THSD7A: variants seen among roughly 807,000 people sequenced by gnomAD.
The protein encoded by THSD7A is thrombospondin type-1 domain-containing protein 7A.
Under a neutral mutation model 231.3 loss-of-function variants are expected in THSD7A, and 96 were observed. The ratio of observed to expected loss-of-function variants is 0.41; its 90% CI spans 0.35 to 0.49. The LOEUF (loss-of-function observed/expected upper bound fraction) is 0.49. Ranked by LOEUF, THSD7A falls within the 20% of genes least tolerant of loss-of-function variation. THSD7A has a pLI of 0.05. For missense variants in THSD7A, 2,290 were observed against 2,070.2 expected, an observed-to-expected ratio of 1.11 and a Z score of -2.06; for synonymous variants, 940 against 743.3, an observed-to-expected ratio of 1.26 and a Z score of -4.30.
At chr7:11,779,881 G>C (rs573901812) in intron 1 of THSD7A, among the ~76,000 whole-genome samples, 2 of 152,284 alleles carry the variant, frequency 1.3e-5, no homozygotes, top group East Asian at 3.9e-4. Context: ...ATTTCATCAA[G>C]TCTATCAGAA....
At chr7:11,517,036 T>A (rs1045277095) in intron 6 of THSD7A, among the ~76,000 whole-genome samples, 1 of 151,836 alleles carries the variant, frequency 6.6e-6, no homozygotes, top group East Asian at 1.9e-4. Flanking sequence ...CATTCATAGG[T>A]CCAATTGTTT....
rs909167119 is a variant in THSD7A, at chr7:11,375,371, T to C, written c.*423A>G. 1.9e-5 allele frequency: 3 copies of C among 156,198 alleles called. No homozygotes were observed. The highest frequency in any genetic ancestry group is 7.2e-5 in the African/African-American group (3 of 41,550). 9.7% of individuals were successfully genotyped at this position (156,198 alleles called of 1,614,324 possible). The stretch of plus-strand genomic sequence containing the variant: ...TGTGTGTCATTCAACTGAGTACACA[T>C]GTTAATTTGACCATAGTATTGTGGA... On this transcript the variant is annotated 3_prime_UTR_variant, in exon 28 of 28. Coordinates refer to ENST00000423059, the MANE Select transcript of THSD7A (RefSeq NM_015204.3).
In THSD7A at chr7:11,460,721, C is replaced by T. The variant is rs772513413; in HGVS notation, c.2546G>A (p.Ser849Asn). The T allele has an allele frequency of 2.5e-6, 4 of 1,612,612 alleles. No individual in the cohort carries two copies. In the Admixed American group the frequency reaches 6.7e-5, roughly 27 times the overall value. The change falls in exon 11 of 28, where the codon AGC (serine) becomes AAC (asparagine). Residue 849 changes from serine (S) to asparagine (N), a missense_variant. By Grantham distance (46) the Ser-to-Asn change is conservative. Transcript: ENST00000423059. ...KWRRCQLVPW[S>N]VQQDSPGAQE... ...TGCTCCAGGGCTGTCTTGTTGCACGCTCCAAGGGACTAATTGGCATCTGCG... is the reference window on the plus strand; with the variant it reads ...TGCTCCAGGGCTGTCTTGTTGCACGTTCCAAGGGACTAATTGGCATCTGCG...
Position 11,516,531 on chromosome 7 carries a change from G to A in THSD7A, c.1822+24888C>T, listed in dbSNP as rs545221063. Among the ~76,000 whole-genome samples the A allele has an allele frequency of 3.2e-4, 48 of 152,248 alleles. 1 individual carries two copies. In the South Asian group the frequency reaches 9.8e-3, roughly 31 times the overall value. ...TTCCAAAAGCCCATTGACCTTGCCT[G>A]TGTGCAGAGATGACCTTGTTTGTAC... On this transcript the variant is annotated intron_variant, in intron 6 of 27. Transcript: ENST00000423059.
At chr7:11,649,542 G>A (rs1032716075) in intron 1 of THSD7A, among the ~76,000 whole-genome samples, 4 of 152,030 alleles carry the variant, frequency 2.6e-5, no homozygotes, top group African/African-American at 7.2e-5. Flanking sequence ...GTGTGCAGGG[G>A]CCAGCAGCTG....
intron 4 of THSD7A, among the ~76,000 whole-genome samples, chr7:11,567,983 T>C (rs1790437799): frequency 6.6e-6 from 1 of 152,206 alleles, no homozygotes; most frequent in Non-Finnish European, 1.5e-5. Flanking sequence ...ATTTGAACTC[T>C]AATCTCAGCA....
chr7:11,525,425 A>G (rs946042166), intron 6 of THSD7A, among the ~76,000 whole-genome samples: 1 of 152,206 alleles, frequency 6.6e-6, no homozygotes, highest in Admixed American at 6.6e-5. Context: ...ATCACTGTCA[A>G]TAAAGCCATA....
chr7:11,746,275 A>G (rs1399656919), intron 1 of THSD7A, among the ~76,000 whole-genome samples: 2 of 152,024 alleles, frequency 1.3e-5, no homozygotes, highest in East Asian at 3.9e-4. Flanking sequence ...CGTTTTTCCT[A>G]AAGTTAACAT....
intron 1 of THSD7A, among the ~76,000 whole-genome samples, chr7:11,708,096 G>A (rs62433389): frequency 0.11 from 16,174 of 150,566 alleles, 889 homozygotes; most frequent in African/African-American, 0.13. Flanking sequence ...CTACTCATGC[G>A]TTATTAATCT....
chr7:11,571,424 C>T (rs1324491372), intron 4 of THSD7A, among the ~76,000 whole-genome samples: 3 of 152,134 alleles, frequency 2.0e-5, no homozygotes, highest in East Asian at 1.9e-4. Flanking sequence ...AATCATTGGC[C>T]GTGCCTTATA....
rs149374375 is a variant in THSD7A at position 11,814,023 on chromosome 7, C to T, written c.190+17734G>A. Among the ~76,000 whole-genome samples, 15 of 152,022 alleles carry T rather than the reference C, an allele frequency of 9.9e-5. No individual in the cohort carries two copies. The highest frequency in any genetic ancestry group is 2.0e-4 in the Admixed American group (3 of 15,278). On this transcript the variant is annotated intron_variant, in intron 1 of 27. Transcript: ENST00000423059. The surrounding 1 kb of genome is among the most constrained non-coding windows in gnomAD (Gnocchi z 5.1). Reference sequence around the variant, plus strand: ...ATGGATGGACTTTGAAAACATGATGCGAAATAAAAGGTGCTAGTCACAAAA... The same window carrying T: ...ATGGATGGACTTTGAAAACATGATGTGAAATAAAAGGTGCTAGTCACAAAA...
At position 11,474,272 on chromosome 7, in the gene THSD7A, C is replaced by CTT. The variant is rs1459900922; in HGVS notation, c.2252+61_2252+62insAA. On this transcript the variant is annotated intron_variant, in intron 8 of 27. Coordinates refer to ENST00000423059, the MANE Select transcript of THSD7A (RefSeq NM_015204.3). The surrounding 1 kb of genome is among the most constrained non-coding windows in gnomAD (Gnocchi z 4.1). ...GTTCCATTTCATGAAGCCAGTGAAG[C>CTT]CTGAGCCAATCCTCTGCACAGGTGG... 6.4e-5 allele frequency: 89 copies of CTT among 1,389,928 alleles called. No individual in the cohort carries two copies. The highest frequency in any genetic ancestry group is 8.4e-5 in the Non-Finnish European group (85 of 1,007,902). The allele number at this position is 1,389,928 out of a possible 1,614,324, so 86.1% of individuals were successfully genotyped here.
intron 4 of THSD7A, among the ~76,000 whole-genome samples, chr7:11,588,052 G>C (rs1459825711): frequency 6.6e-6 from 1 of 152,196 alleles, no homozygotes; most frequent in Non-Finnish European, 1.5e-5. Flanking sequence ...TGGTTACACA[G>C]TCATGGATTC....
At position 11,541,446 on chromosome 7, in the gene THSD7A, G is replaced by T. The variant is rs755710775; in HGVS notation, c.1795C>A (p.Gln599Lys). 3 of 1,613,932 alleles carry T rather than the reference G, an allele frequency of 1.9e-6. No homozygotes were observed. The East Asian group carries it at 6.7e-5, about 36-fold the overall frequency. ...GKECGPGTQV[Q>K]EVVCINSDGE... is the part of the protein sequence containing the mutation. ...TCACTGTTGATGCACACAACCTCTT[G>T]AACTTGCGTGCCTGGACCACACTCC... The change falls in exon 6 of 28, where the codon CAA becomes AAA. Residue 599 changes from glutamine to lysine, a missense_variant. Physicochemically the swap from Gln to Lys is moderately conservative, Grantham distance 53. Coordinates refer to ENST00000423059, the MANE Select transcript of THSD7A (RefSeq NM_015204.3).
chr7:11,603,032 C>T (rs1350198442), intron 2 of THSD7A, among the ~76,000 whole-genome samples: 2 of 150,418 alleles, frequency 1.3e-5, no homozygotes, highest in Non-Finnish European at 1.5e-5. Context: ...CAAATGGGAT[C>T]TAATTAAACT....
intron 1 of THSD7A, among the ~76,000 whole-genome samples, chr7:11,687,681 T>G (rs1162595430): frequency 4.6e-5 from 7 of 151,854 alleles, no homozygotes; most frequent in Admixed American, 3.3e-4. Flanking sequence ...AAGAAGTATT[T>G]TGACAAACAA....
At chr7:11,747,401 G>C (rs1464686260) in intron 1 of THSD7A, among the ~76,000 whole-genome samples, 1 of 151,872 alleles carries the variant, frequency 6.6e-6, no homozygotes, top group African/African-American at 2.4e-5. Flanking sequence ...AGTTTAAATT[G>C]AAAATAAAGT....
chr7:11,769,142 TATATATATATA>T lies in THSD7A; in HGVS notation c.190+62604_190+62614del, dbSNP rs1218748533. 1.8e-4 allele frequency among the ~76,000 whole-genome samples: 12 copies of T among 64,912 alleles called. 1 individual carries two copies. Among genetic ancestry groups the T allele is most frequent in the Middle Eastern group, 0.013 (2 of 156 alleles). The allele number at this position is 64,912 out of a possible 152,430, so 42.6% of individuals were successfully genotyped here. A position where few individuals can be genotyped will look rare whatever the true frequency, so the allele number is the denominator to read the frequency against. On this transcript the variant is annotated intron_variant, in intron 1 of 27. Coordinates refer to ENST00000423059, the MANE Select transcript of THSD7A (RefSeq NM_015204.3). ...CTGGCAATATATATATATATATATATATATATATATATTTTTTTTTTTTTTTGGTATTTTTG... is the reference window on the plus strand; with the variant it reads ...CTGGCAATATATATATATATATATATTTTTTTTTTTTTTTTGGTATTTTTG...
At chr7:11,641,490 CAT>C (rs1782079537) in intron 1 of THSD7A, among the ~76,000 whole-genome samples, 1 of 152,038 alleles carries the variant, frequency 6.6e-6, no homozygotes, top group Non-Finnish European at 1.5e-5. Context: ...CTAAGAAAAG[CAT>C]ATGTTATAAA....
Sources: gnomAD v4.1 joint callset for allele counts (sites outside exome capture counted in the v4.1 genomes callset) on GRCh38, gnomAD v4.1.1 for gene constraint, Gnocchi (gnomAD v3.1) non-coding constraint, MANE v1.5 for transcripts, NCBI Gene and HGNC (gene_info 2026-07-23, HGNC 2026-07-21) for gene names.